Variants in SSX3 observed in about 807,000 individuals in gnomAD.
SSX3 encodes the protein protein SSX3.
A neutral mutation model predicts 14.8 loss-of-function variants in SSX3; 6 were observed. That is an observed-to-expected ratio of 0.41 (90% CI 0.22 to 0.80). SSX3 has a LOEUF of 0.80. Ranked by LOEUF, SSX3 falls within the 30% of genes least tolerant of loss-of-function variation. The pLI is 0.34. For missense variants in SSX3, 163 were observed against 152.2 expected, an observed-to-expected ratio of 1.07 and a Z score of -0.37; for synonymous variants, 55 against 52.9, an observed-to-expected ratio of 1.04 and a Z score of -0.18.
chrX:48,346,975 A>G lies in SSX3; in HGVS notation c.*65T>C. ...TGACGAGGGGTCCACAGCCATGCCC[A>G]TGTTCGTGAAAGGTCACCACGTTCT... On this transcript the variant is annotated 3_prime_UTR_variant, in exon 8 of 8. Transcript: ENST00000298396. The G allele has an allele frequency of 8.3e-7, 1 of 1,197,841 alleles. No individual in the cohort carries two copies. The highest frequency in any genetic ancestry group is 1.1e-6 in the Non-Finnish European group (1 of 895,090).
Position 48,346,822 on chromosome X carries a change from T to C in SSX3, c.*218A>G. 1.6e-6 allele frequency: 1 copy of C among 625,608 alleles called. No homozygotes were observed. The highest frequency in any genetic ancestry group is 2.9e-5 in the Admixed American group (1 of 34,375). 51.6% of individuals were successfully genotyped at this position (625,608 alleles called of 1,213,427 possible). ...TTGCTCATCAGTGAAAATGTTAATA[T>C]CTAACAGAATGACACACTTCAAGAA... On this transcript the variant is annotated 3_prime_UTR_variant, in exon 8 of 8. Coordinates refer to ENST00000298396, the MANE Select transcript of SSX3 (RefSeq NM_021014.4).
intron 1 of SSX3, 55 bp downstream of exon 1, chrX:48,356,579 C>T (rs2146671585): frequency 9.0e-6 from 1 of 111,089 alleles, no homozygotes; most frequent in East Asian, 2.8e-4. Context: ...GCAAATGCAC[C>T]ACGGAGGAGG....
chrX:48,350,794 C>T (rs1225853391), intron 5 of SSX3, among the ~76,000 whole-genome samples: 1 of 97,886 alleles, frequency 1.0e-5, no homozygotes, highest in East Asian at 3.2e-4. Flanking sequence ...TTTTTTGAGA[C>T]GGAGTCTTGC....
chrX:48,353,119 A>G (rs2061270203), intron 4 of SSX3, among the ~76,000 whole-genome samples: 1 of 108,047 alleles, frequency 9.3e-6, no homozygotes, highest in African/African-American at 3.5e-5. Flanking sequence ...TACAGTTTTA[A>G]CACTTTCTTT....
At chrX:48,355,974 C>A (rs1389308705) in intron 1 of SSX3, among the ~76,000 whole-genome samples, 2 of 110,264 alleles carry the variant, frequency 1.8e-5, no homozygotes, top group Admixed American at 1.9e-4. Context: ...CCCAGGAGGT[C>A]GAGACCCGGC....
chrX:48,352,133 C>T lies in SSX3; in HGVS notation c.297G>A (p.Met99Ile). Residue 99 changes from methionine (M) to isoleucine (I), a missense_variant, in exon 5 of 8, where the codon ATG becomes ATA. Transcript: ENST00000298396. The part of the protein sequence containing the change: ...NRGNQVQRPQ[M>I]TFGRLQGIFP... ...AGATTCCCTGGAGCCTGCCGAAAGT[C>T]ATCTGAGGACGTTGAACTGAAAGAG... The T allele has an allele frequency of 1.7e-6, 2 of 1,209,847 alleles. No homozygotes were observed. The highest frequency in any genetic ancestry group is 1.7e-5 in the African/African-American group (1 of 57,814).
intron 3 of SSX3, among the ~76,000 whole-genome samples, 200 bp from the exon 4 acceptor site, chrX:48,354,294 A>G (rs1480506054): frequency 9.3e-6 from 1 of 107,582 alleles, no homozygotes; most frequent in Admixed American, 1.0e-4. Flanking sequence ...ACAAAAAAAA[A>G]AAAAAAAGAA....
intron 6 of SSX3, among the ~76,000 whole-genome samples, chrX:48,349,024 G>A (rs140119833): frequency 8.9e-6 from 1 of 112,357 alleles, no homozygotes; most frequent in African/African-American, 3.2e-5. Context: ...AAGTTATCCG[G>A]AAGATCTAGC....
intron 4 of SSX3, among the ~76,000 whole-genome samples, chrX:48,353,639 A>C (rs1188303503): frequency 9.1e-6 from 1 of 110,417 alleles, no homozygotes; most frequent in East Asian, 2.8e-4. Context: ...AACAAAAACA[A>C]ACAAAACACA....
At chrX:48,347,108 C>G in intron 7 of SSX3, 73 bp from the exon 8 acceptor site, 1 of 1,153,290 alleles carries the variant, frequency 8.7e-7, no homozygotes, top group Non-Finnish European at 1.2e-6. Flanking sequence ...CTCAACTCCT[C>G]CTGACCTGCA....
intron 1 of SSX3, among the ~76,000 whole-genome samples, chrX:48,356,280 G>T (rs536672145): frequency 9.0e-6 from 1 of 111,070 alleles, no homozygotes; most frequent in African/African-American, 3.3e-5. Flanking sequence ...ACAGGGTCTC[G>T]CTCTGTTGCC....
In SSX3 at chrX:48,347,599, T is replaced by C. The variant is rs781933230; in HGVS notation, c.472A>G (p.Lys158Glu). Reference protein sequence around the residue: ...SEKINMISGPKRGEHAWTHRL... With the variant: ...SEKINMISGPERGEHAWTHRL... ...TGGGTCCAGGCATGTTCCCCCCTTTTGGGTCCTATGATGGAGAATAGTTGG... is the reference window on the plus strand; with the variant it reads ...TGGGTCCAGGCATGTTCCCCCCTTTCGGGTCCTATGATGGAGAATAGTTGG... Residue 158 changes from lysine (K) to glutamate (E), a missense_variant, in exon 7 of 8, where the codon AAA becomes GAA. By Grantham distance (56) the Lys-to-Glu change is moderately conservative. Transcript: ENST00000298396. The C allele has an allele frequency of 9.9e-6, 12 of 1,207,950 alleles. No homozygotes were observed. The East Asian group carries it at 2.4e-4, about 24-fold the overall frequency.
chrX:48,349,870 G>A lies in SSX3; in HGVS notation c.466+117C>T, dbSNP rs373689488. 15 of 1,158,309 alleles carry A rather than the reference G, an allele frequency of 1.3e-5. No individual in the cohort carries two copies. The East Asian group carries it at 2.1e-4, about 16-fold the overall frequency. On this transcript the variant is annotated intron_variant, in intron 6 of 7. Transcript: ENST00000298396. ...TAACATCTCATCTGGAGCTGGGCAA[G>A]CTCCTCAGCCCAGCCTGGACCCAGG...
At chrX:48,348,201 T>C (rs140648479) in intron 6 of SSX3, 6,901 of 424,260 alleles carry the variant, frequency 0.016, 399 homozygotes, top group African/African-American at 0.16. Context: ...TCATGGAAAA[T>C]AGGGTATCCA....
intron 5 of SSX3, among the ~76,000 whole-genome samples, chrX:48,350,771 CTTTTT>C (rs374614128): frequency 1.0e-5 from 1 of 96,368 alleles, no homozygotes; most frequent in Non-Finnish European, 2.1e-5. Flanking sequence ...CTTTCTTTTT[CTTTTT>C]TTTTTTTTTT....
intron 6 of SSX3, 200 bp downstream of exon 6, chrX:48,349,787 G>T: frequency 3.5e-6 from 4 of 1,129,167 alleles, no homozygotes; most frequent in Non-Finnish European, 4.7e-6. Context: ...CTTTCCTCAA[G>T]TCACGTGGTT....
rs781807194 is a variant in SSX3 at position 48,352,082 on chromosome X, G to A, written c.330+18C>T. The A allele has an allele frequency of 1.1e-5, 13 of 1,204,569 alleles. No homozygotes were observed. The highest frequency in any genetic ancestry group is 1.5e-5 in the Non-Finnish European group (13 of 890,432). On this transcript the variant is annotated intron_variant, in intron 5 of 7. Coordinates refer to ENST00000298396, the MANE Select transcript of SSX3 (RefSeq NM_021014.4). Reference sequence around the variant, plus strand: ...GGGACAAAGGTTCTCTGGTCCTTTAGATCTGAAAGATACTCACCTTCGGGA... The same window carrying A: ...GGGACAAAGGTTCTCTGGTCCTTTAAATCTGAAAGATACTCACCTTCGGGA...
rs1184361038 is a variant in SSX3 at position 48,346,471 on chromosome X, G to T, written c.*569C>A. On this transcript the variant is annotated 3_prime_UTR_variant, in exon 8 of 8. Coordinates refer to ENST00000298396, the MANE Select transcript of SSX3 (RefSeq NM_021014.4). ...TTTACTGTCAGTGACTGCTACAGGG[G>T]AATCGGATGAGGGGAGTACATGCTG... 1 of 199,987 alleles carries T rather than the reference G, an allele frequency of 5.0e-6. No homozygotes were observed. Among genetic ancestry groups the T allele is most frequent in the African/African-American group, 3.0e-5 (1 of 32,912 alleles). 16.5% of individuals were successfully genotyped at this position (199,987 alleles called of 1,213,427 possible).
chrX:48,349,263 GTTCTT>G (rs1223724710), intron 6 of SSX3, among the ~76,000 whole-genome samples: 1 of 111,524 alleles, frequency 9.0e-6, no homozygotes, highest in Non-Finnish European at 1.9e-5. Flanking sequence ...TCATTGTTGT[GTTCTT>G]TTAAGAAACT....
Sources: gnomAD v4.1 joint callset for allele counts (sites outside exome capture counted in the v4.1 genomes callset) on GRCh38, gnomAD v4.1.1 for gene constraint, MANE v1.5 for transcripts, NCBI Gene and HGNC (gene_info 2026-07-23, HGNC 2026-07-21) for gene names.